STXBP5: variants seen among roughly 807,000 people sequenced by gnomAD.
STXBP5 encodes syntaxin-binding protein 5.
Under a neutral mutation model 152.4 loss-of-function variants are expected in STXBP5, and 50 were observed. The ratio of observed to expected loss-of-function variants is 0.33; its 90% CI spans 0.26 to 0.42. The LOEUF (loss-of-function observed/expected upper bound fraction) is 0.42, where lower values mean the gene tolerates loss of function less well. STXBP5 is among the 10% of genes least tolerant of loss of function. The pLI is 1.00. For synonymous variants in STXBP5, 492 were observed against 494.7 expected, an observed-to-expected ratio of 0.99 and a Z score of 0.07; for missense variants, 1,167 against 1,388.6, an observed-to-expected ratio of 0.84 and a Z score of 2.54.
At chr6:147,206,835 A>G (rs1435480405) in intron 2 of STXBP5, among the ~76,000 whole-genome samples, 1 of 152,164 alleles carries the variant, frequency 6.6e-6, no homozygotes, top group Non-Finnish European at 1.5e-5. Flanking sequence ...TGAGAACAGT[A>G]CAGACGACTC....
At chr6:147,338,715 G>T (rs1783947985) in intron 19 of STXBP5, among the ~76,000 whole-genome samples, 1 of 23,418 alleles carries the variant, frequency 4.3e-5, no homozygotes, top group Non-Finnish European at 9.3e-5. Context: ...AGATTTCTAT[G>T]ATATGTAGTA....
At chr6:147,254,203 T>C (rs1331403190) in intron 4 of STXBP5, among the ~76,000 whole-genome samples, 1 of 152,218 alleles carries the variant, frequency 6.6e-6, no homozygotes, top group East Asian at 1.9e-4. Flanking sequence ...AAGGATTCTC[T>C]ATTTAATAAG....
chr6:147,354,299 A>G (rs1784719956), intron 22 of STXBP5, among the ~76,000 whole-genome samples: 1 of 152,204 alleles, frequency 6.6e-6, no homozygotes, highest in Non-Finnish European at 1.5e-5. Flanking sequence ...GCATGTGGTT[A>G]TGAGTGAGTA....
chr6:147,284,222 C>T (rs1163895886), intron 8 of STXBP5, among the ~76,000 whole-genome samples: 2 of 152,196 alleles, frequency 1.3e-5, no homozygotes, highest in East Asian at 1.9e-4. Context: ...GGTAGACTTA[C>T]GGCTACCCTA....
intron 7 of STXBP5, among the ~76,000 whole-genome samples, chr6:147,269,202 C>T (rs1387216972): frequency 6.6e-6 from 1 of 152,138 alleles, no homozygotes; most frequent in Non-Finnish European, 1.5e-5. Context: ...GAATAGTTCA[C>T]ATTCCCAACA....
rs1786300126 is a variant in STXBP5 at position 147,385,597 on chromosome 6, A to G, written c.*842A>G. On this transcript the variant is annotated 3_prime_UTR_variant, in exon 28 of 28. Transcript: ENST00000321680. ...TGTCCTTGTTCTCATTAATTCAGCTAAAGGTGGATTTGACCAAAATAATGC... is the reference window on the plus strand; with the variant it reads ...TGTCCTTGTTCTCATTAATTCAGCTGAAGGTGGATTTGACCAAAATAATGC... The G allele has an allele frequency of 6.6e-6, 1 of 152,076 alleles. No homozygotes were observed. The highest frequency in any genetic ancestry group is 1.5e-5 in the Non-Finnish European group (1 of 67,984). The allele number at this position is 152,076 out of a possible 1,614,324, so 9.4% of individuals were successfully genotyped here.
chr6:147,253,013 A>T (rs1779177041), intron 4 of STXBP5, among the ~76,000 whole-genome samples: 1 of 152,200 alleles, frequency 6.6e-6, no homozygotes, highest in Admixed American at 6.5e-5. Context: ...ACAAAAAAAG[A>T]AGTTTTCAAG....
chr6:147,282,086 G>A (rs562259949), intron 8 of STXBP5, among the ~76,000 whole-genome samples: 23 of 152,114 alleles, frequency 1.5e-4, no homozygotes, highest in Non-Finnish European at 2.5e-4. Flanking sequence ...GAAATTACCC[G>A]GAAATTATGA....
At chr6:147,379,828 G>A (rs1369893657) in intron 26 of STXBP5, among the ~76,000 whole-genome samples, 2 of 151,952 alleles carry the variant, frequency 1.3e-5, no homozygotes, top group African/African-American at 4.8e-5. Context: ...AAAATGAATT[G>A]CATTTCTATA....
chr6:147,287,369 A>G (rs1346132245), intron 8 of STXBP5, among the ~76,000 whole-genome samples: 1 of 150,102 alleles, frequency 6.7e-6, no homozygotes, highest in East Asian at 2.0e-4. Context: ...CGCCCGGCTA[A>G]TTTTTTGTAT....
At chr6:147,313,099 G>C (rs1473524594) in intron 11 of STXBP5, among the ~76,000 whole-genome samples, 1 of 152,058 alleles carries the variant, frequency 6.6e-6, no homozygotes, top group Non-Finnish European at 1.5e-5. Context: ...AGGTGGGAGT[G>C]GTGATAGTTG....
At chr6:147,209,684 T>A (rs897218008) in intron 2 of STXBP5, among the ~76,000 whole-genome samples, 5 of 152,152 alleles carry the variant, frequency 3.3e-5, no homozygotes, top group Admixed American at 6.5e-5. Flanking sequence ...GCAGTTGAAA[T>A]TTGAGAATTA....
chr6:147,266,548 C>T (rs1199576397), intron 6 of STXBP5, among the ~76,000 whole-genome samples: 3 of 151,978 alleles, frequency 2.0e-5, no homozygotes, highest in African/African-American at 4.8e-5. Context: ...ACCGAATAGA[C>T]GTGATAAGGA....
intron 7 of STXBP5, among the ~76,000 whole-genome samples, chr6:147,276,896 A>G (rs891799196): frequency 2.0e-5 from 3 of 152,082 alleles, no homozygotes; most frequent in Non-Finnish European, 2.9e-5. Flanking sequence ...AGAATCGATT[A>G]TGGTTTCTAC....
intron 4 of STXBP5, among the ~76,000 whole-genome samples, chr6:147,255,783 G>C (rs1209114890): frequency 2.0e-5 from 3 of 152,150 alleles, no homozygotes; most frequent in Non-Finnish European, 2.9e-5. Flanking sequence ...CACAGTGCTG[G>C]AATTACAGGT....
At chr6:147,353,753 A>G (rs1035881635) in intron 22 of STXBP5, among the ~76,000 whole-genome samples, 3 of 152,120 alleles carry the variant, frequency 2.0e-5, no homozygotes, top group Non-Finnish European at 2.9e-5. Flanking sequence ...AAATACTTAA[A>G]ATTTAAAATA....
chr6:147,330,199 C>G (rs1783496587), intron 18 of STXBP5, among the ~76,000 whole-genome samples: 1 of 151,970 alleles, frequency 6.6e-6, no homozygotes, highest in African/African-American at 2.4e-5. Context: ...AAATCTGATT[C>G]TACTAAAAAT....
chr6:147,277,542 A>G (rs1780503360), intron 7 of STXBP5, among the ~76,000 whole-genome samples: 1 of 152,144 alleles, frequency 6.6e-6, no homozygotes, highest in South Asian at 2.1e-4. Context: ...TAAATTTCTT[A>G]TCAGAACAGT....
At chr6:147,305,721 A>G (rs1782056606) in intron 9 of STXBP5, among the ~76,000 whole-genome samples, 1 of 152,184 alleles carries the variant, frequency 6.6e-6, no homozygotes, top group African/African-American at 2.4e-5. Context: ...AAAATCAATA[A>G]TTATTTATTC....
Sources: gnomAD v4.1 joint callset for allele counts (sites outside exome capture counted in the v4.1 genomes callset) on GRCh38, gnomAD v4.1.1 for gene constraint, MANE v1.5 for transcripts, NCBI Gene and HGNC (gene_info 2026-07-23, HGNC 2026-07-21) for gene names.